Variants in CTNNA3 observed in about 807,000 individuals in gnomAD.
The protein encoded by CTNNA3 is catenin alpha-3.
A neutral mutation model predicts 95.7 loss-of-function variants in CTNNA3; 76 were observed. That is an observed-to-expected ratio of 0.79 (90% confidence interval 0.66 to 0.96). CTNNA3 has a LOEUF of 0.96. Ranked by LOEUF, CTNNA3 falls within the 40% of genes least tolerant of loss-of-function variation. CTNNA3 has a pLI of 0.00. For missense variants in CTNNA3, 1,191 were observed against 1,089.8 expected, an observed-to-expected ratio of 1.09 and a Z score of -1.31; for synonymous variants, 431 against 374.4, an observed-to-expected ratio of 1.15 and a Z score of -1.74.
chr10:66,552,977 T>C (rs1056794190), intron 10 of CTNNA3, among the ~76,000 whole-genome samples: 2 of 152,124 alleles, frequency 1.3e-5, no homozygotes, highest in Non-Finnish European at 2.9e-5. Context: ...TTTTTTGCAC[T>C]AAAATCAATT....
At chr10:66,910,848 ATGAG>A (rs1012050188) in intron 7 of CTNNA3, among the ~76,000 whole-genome samples, 3 of 152,234 alleles carry the variant, frequency 2.0e-5, no homozygotes, top group Admixed American at 2.0e-4. Context: ...CGTCATGACA[ATGAG>A]TCGCTATTTA....
intron 4 of CTNNA3, among the ~76,000 whole-genome samples, chr10:67,526,172 C>T (rs2133170472): frequency 6.6e-6 from 1 of 152,220 alleles, no homozygotes; most frequent in South Asian, 2.1e-4. Flanking sequence ...TTAAATATGG[C>T]AACCACAGAG....
chr10:67,547,831 G>C (rs1429914150), intron 3 of CTNNA3, among the ~76,000 whole-genome samples: 1 of 152,166 alleles, frequency 6.6e-6, no homozygotes, highest in Non-Finnish European at 1.5e-5. Flanking sequence ...TAACAAAGAA[G>C]TGTAAGACTT....
At chr10:66,336,628 C>T (rs2092399635) in intron 12 of CTNNA3, among the ~76,000 whole-genome samples, 1 of 152,030 alleles carries the variant, frequency 6.6e-6, no homozygotes, top group African/African-American at 2.4e-5. Context: ...TTCTATAATT[C>T]ATTATTTTTA....
In CTNNA3 at chr10:66,809,806, C is replaced by CTTT. The variant is rs71035181; in HGVS notation, c.1048-34285_1048-34283dup. On this transcript the variant is annotated intron_variant, in intron 7 of 17. Coordinates refer to ENST00000433211, the MANE Select transcript of CTNNA3 (RefSeq NM_013266.4). The stretch of plus-strand genomic sequence containing the variant: ...TGTTTTTACCTAGAATTGCTGATTT[C>CTTT]TTTTTTTTTTTTTTTGAGACAAAGT... Among the ~76,000 whole-genome samples, 1,061 of 142,396 alleles carry CTTT rather than the reference C, an allele frequency of 7.5e-3. 16 individuals carry two copies. Among genetic ancestry groups the CTTT allele is most frequent in the African/African-American group, 0.026 (1,002 of 38,752 alleles). 93.4% of individuals were successfully genotyped at this position (142,396 alleles called of 152,430 possible).
intron 5 of CTNNA3, among the ~76,000 whole-genome samples, chr10:67,383,214 T>C (rs1381511467): frequency 3.3e-5 from 5 of 152,308 alleles, no homozygotes; most frequent in Admixed American, 1.3e-4. Flanking sequence ...AGGTGATTTG[T>C]TTAAAATAAA....
intron 13 of CTNNA3, among the ~76,000 whole-genome samples, chr10:66,107,237 G>T (rs79230427): frequency 2.6e-5 from 4 of 152,192 alleles, no homozygotes; most frequent in Non-Finnish European, 5.9e-5. Context: ...TCAGAATTGT[G>T]GAGATATATT....
intron 5 of CTNNA3, among the ~76,000 whole-genome samples, chr10:67,329,569 C>A (rs1387993995): frequency 6.6e-6 from 1 of 152,098 alleles, no homozygotes; most frequent in Non-Finnish European, 1.5e-5. Flanking sequence ...ACATTTACAG[C>A]ATGATTTTGA....
At chr10:67,424,437 C>T (rs962865974) in intron 5 of CTNNA3, among the ~76,000 whole-genome samples, 1 of 151,902 alleles carries the variant, frequency 6.6e-6, no homozygotes, top group Non-Finnish European at 1.5e-5. Flanking sequence ...CTTTTCCTAC[C>T]AAACCATAAA....
intron 12 of CTNNA3, among the ~76,000 whole-genome samples, chr10:66,360,656 TTTCTTCCTTCCTTCC>T (rs1279146557): frequency 2.7e-4 from 13 of 47,376 alleles, no homozygotes; most frequent in African/African-American, 4.8e-4. Context: ...TCTTTCTTTC[TTTCTTCCTTCCTTCC>T]TTCCTTCCTT....
At chr10:66,534,813 A>C (rs1369814539) in intron 10 of CTNNA3, among the ~76,000 whole-genome samples, 1 of 151,630 alleles carries the variant, frequency 6.6e-6, no homozygotes, top group African/African-American at 2.4e-5. Flanking sequence ...TACTATATTA[A>C]AATTAAATTA....
intron 7 of CTNNA3, among the ~76,000 whole-genome samples, chr10:66,802,751 A>G (rs1022349392): frequency 2.0e-5 from 3 of 151,852 alleles, no homozygotes; most frequent in Non-Finnish European, 2.9e-5. Context: ...CTTCAGCATG[A>G]GAATGGATAC....
chr10:66,395,817 G>A (rs1414471932), intron 11 of CTNNA3, among the ~76,000 whole-genome samples: 1 of 151,892 alleles, frequency 6.6e-6, no homozygotes, highest in Non-Finnish European at 1.5e-5. Context: ...TATTGTTTCA[G>A]ATTCAGGGGT....
At chr10:67,258,998 C>T (rs1490395848) in intron 5 of CTNNA3, among the ~76,000 whole-genome samples, 4 of 152,136 alleles carry the variant, frequency 2.6e-5, no homozygotes, top group African/African-American at 7.2e-5. Flanking sequence ...TATAATGTAA[C>T]TACTATGTAA....
intron 11 of CTNNA3, among the ~76,000 whole-genome samples, chr10:66,434,428 T>A (rs556205307): frequency 1.3e-5 from 2 of 152,308 alleles, no homozygotes; most frequent in Admixed American, 1.3e-4. Flanking sequence ...AGTTCTCTCA[T>A]GATTTGGCTC....
At chr10:67,390,962 A>C (rs553217937) in intron 5 of CTNNA3, among the ~76,000 whole-genome samples, 4 of 152,224 alleles carry the variant, frequency 2.6e-5, no homozygotes, top group African/African-American at 9.6e-5. Flanking sequence ...CTGAATGGGC[A>C]AAAACCAGAA....
intron 12 of CTNNA3, among the ~76,000 whole-genome samples, chr10:66,282,470 C>A (rs746947188): frequency 4.6e-5 from 7 of 151,714 alleles, no homozygotes; most frequent in Non-Finnish European, 8.8e-5. Context: ...CTGAGTCATT[C>A]ATGAAAAAAA....
At chr10:67,418,253 T>C in intron 5 of CTNNA3, among the ~76,000 whole-genome samples, 1 of 152,198 alleles carries the variant, frequency 6.6e-6, no homozygotes, top group African/African-American at 2.4e-5. Context: ...TTGCACATTG[T>C]TCATTCAAAT....
At chr10:66,691,079 T>C (rs1168518306) in intron 9 of CTNNA3, among the ~76,000 whole-genome samples, 1 of 152,170 alleles carries the variant, frequency 6.6e-6, no homozygotes, top group Non-Finnish European at 1.5e-5. Context: ...ACCAGGTTCA[T>C]CTCACTAGGG....
Sources: gnomAD v4.1 joint callset for allele counts (sites outside exome capture counted in the v4.1 genomes callset) on GRCh38, gnomAD v4.1.1 for gene constraint, MANE v1.5 for transcripts, NCBI Gene and HGNC (gene_info 2026-07-23, HGNC 2026-07-21) for gene names.